VPS13A: variants seen among roughly 807,000 people sequenced by gnomAD.
The protein encoded by VPS13A is vacuolar protein sorting 13 homolog A, also known as intermembrane lipid transfer protein VPS13A.
Under a neutral mutation model 390.9 loss-of-function variants are expected in VPS13A, and 264 were observed. The ratio of observed to expected loss-of-function variants is 0.68; its 90% confidence interval spans 0.61 to 0.75. VPS13A has a LOEUF of 0.75. Ranked by LOEUF, VPS13A falls within the 30% of genes least tolerant of loss-of-function variation. VPS13A has a pLI of 0.00. For synonymous variants in VPS13A, 1,231 were observed against 1,227.1 expected (o/e 1.00, Z -0.07); for missense variants, 3,409 against 3,733.9 (o/e 0.91, Z 2.27).
chr9:77,406,481 G>A lies in VPS13A; in HGVS notation c.9399+494G>A, dbSNP rs189450044. ...GTCGCCCAAGCTGGAGTGCAGTGGC[G>A]CTCTTGGATCACTGCAACCTCCACC... On this transcript the variant is annotated intron_variant, in intron 70 of 71. Transcript: ENST00000360280. 1.4e-3 allele frequency among the ~76,000 whole-genome samples: 220 copies of A among 152,030 alleles called. 2 individuals carry two copies. Among genetic ancestry groups the A allele is most frequent in the South Asian group, 2.1e-3 (10 of 4,804 alleles).
chr9:77,389,499 G>T (rs1833821859), intron 68 of VPS13A, among the ~76,000 whole-genome samples: 1 of 151,914 alleles, frequency 6.6e-6, no homozygotes, highest in African/African-American at 2.4e-5. Context: ...GTAGAGACAG[G>T]GTCTTGCTAT....
intron 50 of VPS13A, among the ~76,000 whole-genome samples, chr9:77,342,215 C>T (rs531298614): frequency 7.9e-5 from 12 of 152,240 alleles, no homozygotes; most frequent in African/African-American, 2.6e-4. Context: ...ATGAAAGTAA[C>T]AGTCAAACCT....
chr9:77,415,204 C>G (rs989628286), intron 71 of VPS13A, among the ~76,000 whole-genome samples: 2 of 152,184 alleles, frequency 1.3e-5, no homozygotes, highest in Admixed American at 1.3e-4. Flanking sequence ...ATAAAGTTTT[C>G]TTTTAATTCC....
chr9:77,335,573 A>G (rs1330544129), intron 46 of VPS13A, among the ~76,000 whole-genome samples: 3 of 152,252 alleles, frequency 2.0e-5, no homozygotes, highest in Admixed American at 6.5e-5. Flanking sequence ...AAAAGAAGAC[A>G]TTTATGTGGC....
chr9:77,260,646 C>G (rs564049362), intron 23 of VPS13A, among the ~76,000 whole-genome samples: 1 of 151,462 alleles, frequency 6.6e-6, no homozygotes, highest in Admixed American at 6.6e-5. Context: ...TGAGCCACCA[C>G]GCCCAGCCAG....
chr9:77,199,858 T>C, intron 1 of VPS13A, 87 bp from the exon 2 acceptor site: 2 of 1,098,608 alleles, frequency 1.8e-6, no homozygotes, highest in Non-Finnish European at 2.6e-6. Context: ...ATATTTTTCC[T>C]GATTATGACA....
Position 77,181,398 on chromosome 9 carries a change from C to T in VPS13A, c.100+3594C>T, listed in dbSNP as rs1824006866. Among the ~76,000 whole-genome samples, 3 of 151,736 alleles carry T rather than the reference C, an allele frequency of 2.0e-5. No homozygotes were observed. The South Asian group carries it at 6.3e-4, about 32-fold the overall frequency. On this transcript the variant is annotated intron_variant, in intron 1 of 71. Coordinates refer to ENST00000360280, the MANE Select transcript of VPS13A (RefSeq NM_033305.3). The stretch of plus-strand genomic sequence containing the variant: ...GGGTACTGTGGCGCTCGCCTGTAAT[C>T]CCAGCTACTCAGGAGACTGAGGCAG...
At chr9:77,194,538 C>T (rs1052034146) in intron 1 of VPS13A, among the ~76,000 whole-genome samples, 4 of 152,144 alleles carry the variant, frequency 2.6e-5, no homozygotes, top group African/African-American at 9.7e-5. Flanking sequence ...TTCTGGGCTC[C>T]GTGCAGACTG....
rs141948416 is a variant in VPS13A, at chr9:77,204,367, A to G, written c.188-946A>G. Among the ~76,000 whole-genome samples, 382 of 152,260 alleles carry G rather than the reference A, an allele frequency of 2.5e-3. 3 individuals carry two copies. The highest frequency in any genetic ancestry group is 2.7e-3 in the Non-Finnish European group (181 of 68,000). On this transcript the variant is annotated intron_variant, in intron 3 of 71. Coordinates refer to ENST00000360280, the MANE Select transcript of VPS13A (RefSeq NM_033305.3). ...GAAACCCCATACATAGTGTTTTTGT[A>G]GTTCAAGAACCCTTACGCTTAAAAA...
intron 1 of VPS13A, among the ~76,000 whole-genome samples, chr9:77,178,854 CTG>C (rs1823823230): frequency 6.6e-6 from 1 of 152,200 alleles, no homozygotes; most frequent in Non-Finnish European, 1.5e-5. Context: ...TTATTCTTGT[CTG>C]TGCACACACT....
intron 31 of VPS13A, among the ~76,000 whole-genome samples, chr9:77,283,964 C>CTT (rs779066797): frequency 4.6e-5 from 6 of 129,622 alleles, no homozygotes; most frequent in African/African-American, 8.6e-5. Context: ...ACCTTTTTCA[C>CTT]TTTTTTTTTT....
chr9:77,333,426 ATTT>A (rs34369162), intron 46 of VPS13A, among the ~76,000 whole-genome samples: 64 of 107,652 alleles, frequency 5.9e-4, no homozygotes, highest in Middle Eastern at 5.8e-3. Flanking sequence ...CTCATTAGGC[ATTT>A]TTTTTTTTTT....
chr9:77,393,864 G>T (rs985908776), intron 68 of VPS13A, among the ~76,000 whole-genome samples: 1 of 152,148 alleles, frequency 6.6e-6, no homozygotes, highest in African/African-American at 2.4e-5. Context: ...CGCCTCCTGG[G>T]TTCAAGCAAT....
intron 17 of VPS13A, among the ~76,000 whole-genome samples, chr9:77,234,808 C>A (rs1481924099): frequency 6.6e-6 from 1 of 151,908 alleles, no homozygotes; most frequent in African/African-American, 2.4e-5. Context: ...TTCCTCATTT[C>A]TTTTTCCAAA....
At chr9:77,400,946 C>G (rs577286941) in intron 68 of VPS13A, among the ~76,000 whole-genome samples, 1 of 152,124 alleles carries the variant, frequency 6.6e-6, no homozygotes, top group South Asian at 2.1e-4. Context: ...AAGGATACAG[C>G]TTTAGCCAGT....
At chr9:77,199,924 C>T in intron 1 of VPS13A, 21 bp from the exon 2 acceptor site, 3 of 1,581,460 alleles carry the variant, frequency 1.9e-6, no homozygotes, top group Non-Finnish European at 2.6e-6. Context: ...TTGTTTGAAT[C>T]TTTTTTTTAA....
intron 67 of VPS13A, among the ~76,000 whole-genome samples, chr9:77,377,673 C>T (rs1289599670): frequency 6.6e-6 from 1 of 152,028 alleles, no homozygotes; most frequent in African/African-American, 2.4e-5. Context: ...CATCTGAGAA[C>T]TGAGGTAACT....
intron 1 of VPS13A, among the ~76,000 whole-genome samples, chr9:77,184,423 A>G (rs1824205753): frequency 6.6e-6 from 1 of 152,186 alleles, no homozygotes; most frequent in Non-Finnish European, 1.5e-5. Flanking sequence ...GTTCGAGCCC[A>G]GCCTGGCCAA....
chr9:77,317,118 A>G (rs937103416), intron 39 of VPS13A, among the ~76,000 whole-genome samples: 3 of 152,042 alleles, frequency 2.0e-5, no homozygotes, highest in Admixed American at 1.3e-4. Flanking sequence ...CCATAGAAAT[A>G]TAAGATGTAA....
Sources: gnomAD v4.1 joint callset for allele counts (sites outside exome capture counted in the v4.1 genomes callset) on GRCh38, gnomAD v4.1.1 for gene constraint, MANE v1.5 for transcripts, NCBI Gene and HGNC (gene_info 2026-07-23, HGNC 2026-07-21) for gene names.